GGNBP2: variants seen among roughly 807,000 people sequenced by gnomAD.
GGNBP2 encodes gametogenetin-binding protein 2.
Under a neutral mutation model 85.9 loss-of-function variants are expected in GGNBP2, and 10 were observed. The ratio of observed to expected loss-of-function variants is 0.12; its 90% CI spans 0.07 to 0.20. The LOEUF (loss-of-function observed/expected upper bound fraction) is 0.20, where lower values mean the gene tolerates loss of function less well. GGNBP2 is among the 10% of genes least tolerant of loss of function. GGNBP2 has a pLI of 1.00. For missense variants in GGNBP2, 595 were observed against 857.8 expected, an observed-to-expected ratio of 0.69 and a Z score of 3.83; for synonymous variants, 287 against 285.7, an observed-to-expected ratio of 1.00 and a Z score of -0.05.
intron 6 of GGNBP2, chr17:36,576,593 A>ATGTGTGTGTGTGTGTGTG (rs1401978308): frequency 8.7e-5 from 4 of 46,038 alleles, no homozygotes; most frequent in Non-Finnish European, 1.6e-4. Flanking sequence ...AAATATATAT[A>ATGTGTGTGTGTGTGTGTG]TATGTGTGTG....
At chr17:36,573,374 A>G (rs1203919397) in intron 6 of GGNBP2, among the ~76,000 whole-genome samples, 5 of 152,230 alleles carry the variant, frequency 3.3e-5, no homozygotes, top group Admixed American at 6.5e-5. Flanking sequence ...CGGTCTCCCA[A>G]AGTGCTGGGA....
chr17:36,571,939 C>T (rs961857771), intron 6 of GGNBP2, among the ~76,000 whole-genome samples: 6 of 151,800 alleles, frequency 4.0e-5, no homozygotes, highest in Non-Finnish European at 7.4e-5. Flanking sequence ...GTTTCATCTA[C>T]TCGGGAGGCT....
chr17:36,587,407 A>C (rs2074713392), intron 13 of GGNBP2, 162 bp downstream of exon 13: 2 of 775,408 alleles, frequency 2.6e-6, no homozygotes, highest in Non-Finnish European at 4.2e-6. Context: ...CTGTCCTTCC[A>C]CTCGTGGTTT....
intron 2 of GGNBP2, among the ~76,000 whole-genome samples, chr17:36,551,838 AAT>A (rs2074311793): frequency 6.6e-6 from 1 of 152,058 alleles, no homozygotes; most frequent in South Asian, 2.1e-4. Flanking sequence ...TCAAAAAAAA[AAT>A]TTTACAAATC....
chr17:36,565,839 T>C lies in GGNBP2; in HGVS notation c.528-1824T>C, dbSNP rs1889719351. ...TGAACCTGGGAGGCGGAGGTTGCAG[T>C]GAGCCGAGATCACACCACTGCACTC... On this transcript the variant is annotated intron_variant, in intron 5 of 13. Coordinates refer to ENST00000613102, the MANE Select transcript of GGNBP2 (RefSeq NM_024835.5). Among the ~76,000 whole-genome samples, 4 of 151,640 alleles carry C rather than the reference T, an allele frequency of 2.6e-5. No homozygotes were observed. The South Asian group carries it at 8.4e-4, about 32-fold the overall frequency.
intron 3 of GGNBP2, 96 bp downstream of exon 3, chr17:36,554,996 G>A: frequency 4.1e-6 from 3 of 732,604 alleles, no homozygotes; most frequent in Admixed American, 2.2e-5. Flanking sequence ...GGATTCTCTA[G>A]GTCTTAATAT....
intron 4 of GGNBP2, among the ~76,000 whole-genome samples, chr17:36,558,083 G>A (rs1479772499): frequency 1.3e-5 from 2 of 150,248 alleles, no homozygotes; most frequent in Non-Finnish European, 3.0e-5. Flanking sequence ...CTGCAGTCCA[G>A]CCAGGGCGAC....
intron 2 of GGNBP2, among the ~76,000 whole-genome samples, chr17:36,551,284 A>G (rs2074306295): frequency 6.6e-6 from 1 of 150,958 alleles, no homozygotes; most frequent in Non-Finnish European, 1.5e-5. Context: ...TTGGCTCACC[A>G]CAACCTCCGC....
intron 9 of GGNBP2, among the ~76,000 whole-genome samples, chr17:36,582,877 A>G (rs918084534): frequency 1.3e-5 from 2 of 152,184 alleles, no homozygotes; most frequent in African/African-American, 2.4e-5. Flanking sequence ...ATACTTACCA[A>G]TATTTACTGT....
chr17:36,546,880 G>A (rs1441715406), intron 2 of GGNBP2: 5 of 151,936 alleles, frequency 3.3e-5, no homozygotes, highest in African/African-American at 9.7e-5. Flanking sequence ...CAAATTTTAT[G>A]TAAAATGCAA....
At chr17:36,569,561 A>G (rs887005930) in intron 6 of GGNBP2, among the ~76,000 whole-genome samples, 1 of 152,232 alleles carries the variant, frequency 6.6e-6, no homozygotes, top group Non-Finnish European at 1.5e-5. Flanking sequence ...TCTAAAAATC[A>G]AGTGAATGAT....
intron 9 of GGNBP2, chr17:36,581,951 C>T (rs1239691766): frequency 6.6e-6 from 1 of 151,188 alleles, no homozygotes; most frequent in East Asian, 1.9e-4. Context: ...AATCATGGCT[C>T]ACTGCAGCGT....
intron 5 of GGNBP2, among the ~76,000 whole-genome samples, chr17:36,563,073 C>T (rs1236524315): frequency 6.6e-6 from 1 of 151,180 alleles, no homozygotes. Context: ...CGAGACCGGC[C>T]TGGCCAACAT....
intron 3 of GGNBP2, 104 bp from the exon 4 acceptor site, chr17:36,556,978 TG>T: frequency 1.5e-6 from 2 of 1,355,554 alleles, no homozygotes; most frequent in African/African-American, 1.4e-5. Context: ...TGGTAAACCC[TG>T]GCCAGGTTGT....
At chr17:36,569,837 A>G (rs1358262025) in intron 6 of GGNBP2, among the ~76,000 whole-genome samples, 3 of 152,206 alleles carry the variant, frequency 2.0e-5, no homozygotes, top group Non-Finnish European at 4.4e-5. Flanking sequence ...TTATTAGAGC[A>G]CATGTTTTGG....
chr17:36,545,263 C>CCGGGCGG (rs995726997), intron 1 of GGNBP2, among the ~76,000 whole-genome samples, 166 bp downstream of exon 1: 2 of 152,112 alleles, frequency 1.3e-5, no homozygotes, highest in African/African-American at 4.8e-5. Flanking sequence ...CAGAGGGCAC[C>CCGGGCGG]CGGGCGGCGG....
intron 3 of GGNBP2, among the ~76,000 whole-genome samples, 171 bp from the exon 4 acceptor site, chr17:36,556,912 G>A (rs889165744): frequency 2.0e-5 from 3 of 151,866 alleles, no homozygotes; most frequent in Non-Finnish European, 4.4e-5. Flanking sequence ...AGGAAATTCC[G>A]TACAGCATGG....
At chr17:36,589,046 C>A (rs1219694095) in intron 13 of GGNBP2, among the ~76,000 whole-genome samples, 162 bp from the exon 14 acceptor site, 2 of 152,198 alleles carry the variant, frequency 1.3e-5, no homozygotes, top group Non-Finnish European at 2.9e-5. Context: ...CTTTCTTAGG[C>A]AGAATGACAT....
intron 8 of GGNBP2, among the ~76,000 whole-genome samples, chr17:36,579,871 C>T (rs2074628466): frequency 6.6e-6 from 1 of 151,932 alleles, no homozygotes. Context: ...ATTAGCTGGG[C>T]GTGGTGGCGG....
Sources: allele counts gnomAD v4.1 joint callset (sites outside exome capture counted in the v4.1 genomes callset), GRCh38; gene constraint gnomAD v4.1.1; transcripts MANE v1.5; gene names NCBI Gene and HGNC (gene_info 2026-07-23, HGNC 2026-07-21).